Variants in SPON1 observed in about 807,000 individuals in gnomAD.
SPON1 encodes spondin 1.
Under a neutral mutation model 111.7 loss-of-function variants are expected in SPON1, and 52 were observed. The ratio of observed to expected loss-of-function variants is 0.47; its 90% CI spans 0.37 to 0.59. The LOEUF (loss-of-function observed/expected upper bound fraction) is 0.59. Ranked by LOEUF, SPON1 falls within the 20% of genes least tolerant of loss-of-function variation. The pLI is 0.00. For synonymous variants in SPON1, 410 were observed against 395.8 expected (o/e 1.04, Z -0.43); for missense variants, 957 against 1,068.5 (o/e 0.90, Z 1.46).
intron 6 of SPON1, among the ~76,000 whole-genome samples, chr11:14,146,359 A>T (rs10766149): frequency 1.3e-5 from 2 of 151,812 alleles, no homozygotes; most frequent in Admixed American, 6.6e-5. Flanking sequence ...CATGTTGGCC[A>T]GGCTGGTCTC....
At chr11:14,064,082 G>A (rs1018268692) in intron 3 of SPON1, among the ~76,000 whole-genome samples, 5 of 152,188 alleles carry the variant, frequency 3.3e-5, no homozygotes, top group Non-Finnish European at 7.3e-5. Context: ...GAAAGTCAGT[G>A]TATTGAAAAT....
At chr11:13,974,849 T>C (rs1254329006) in intron 1 of SPON1, among the ~76,000 whole-genome samples, 1 of 152,204 alleles carries the variant, frequency 6.6e-6, no homozygotes, top group Non-Finnish European at 1.5e-5. Context: ...ATCTTCCCCC[T>C]GCTTATCTTC....
intron 6 of SPON1, among the ~76,000 whole-genome samples, chr11:14,214,377 C>A (rs1047445213): frequency 6.6e-6 from 1 of 152,114 alleles, no homozygotes; most frequent in East Asian, 1.9e-4. Flanking sequence ...CATGCCCTTG[C>A]ATAGATAGGT....
chr11:14,189,951 G>T (rs1200305272), intron 6 of SPON1, among the ~76,000 whole-genome samples: 1 of 152,324 alleles, frequency 6.6e-6, no homozygotes, highest in East Asian at 1.9e-4. Flanking sequence ...CCTGTATTTT[G>T]TAAGCGGGCA....
intron 5 of SPON1, among the ~76,000 whole-genome samples, chr11:14,083,862 C>T (rs1848983378): frequency 2.0e-5 from 3 of 152,190 alleles, no homozygotes; most frequent in South Asian, 4.2e-4. Context: ...AAAATGTAGG[C>T]CAAATTCCCA....
intron 15 of SPON1, among the ~76,000 whole-genome samples, chr11:14,263,761 G>A (rs11023166): frequency 0.14 from 21,809 of 151,966 alleles, 1,744 homozygotes; most frequent in African/African-American, 0.18. Flanking sequence ...GGGCACGGTG[G>A]CTCATGCCTG....
chr11:13,977,812 AT>A (rs1848114099), intron 1 of SPON1, among the ~76,000 whole-genome samples: 1 of 152,020 alleles, frequency 6.6e-6, no homozygotes, highest in Non-Finnish European at 1.5e-5. Context: ...TGCTTTTCAC[AT>A]TTAGCTGTAC....
intron 6 of SPON1, among the ~76,000 whole-genome samples, chr11:14,201,679 T>C (rs1434095717): frequency 1.3e-5 from 2 of 152,190 alleles, no homozygotes; most frequent in African/African-American, 4.8e-5. Context: ...GTTATAGGTA[T>C]GAGCCACCTC....
At chr11:14,018,718 T>C (rs1009112239) in intron 2 of SPON1, among the ~76,000 whole-genome samples, 2 of 152,080 alleles carry the variant, frequency 1.3e-5, no homozygotes, top group Non-Finnish European at 2.9e-5. Flanking sequence ...GGCTACATTG[T>C]AGAAGAATTA....
intron 2 of SPON1, among the ~76,000 whole-genome samples, chr11:13,987,904 G>T (rs1848197831): frequency 6.6e-6 from 1 of 152,126 alleles, no homozygotes; most frequent in Non-Finnish European, 1.5e-5. Flanking sequence ...CTGTTCCATT[G>T]GTCTATATAT....
rs116993571 is a variant in SPON1 at position 14,259,421 on chromosome 11, C to T, written c.1634C>T (p.Thr545Met). Residue 545 changes from threonine (T) to methionine (M), a missense_variant, in exon 12 of 16, where the codon ACG (threonine) becomes ATG (methionine). Coordinates refer to ENST00000576479, the MANE Select transcript of SPON1 (RefSeq NM_006108.4). This position sits in a 1 kb window ranked among gnomAD's most constrained non-coding sequence, Gnocchi z 5.0. ...GTGTGCACGCTGCCCACTGAGGAAA[C>T]GGAGAAGTGCACGGTCAACGAGGAG... ...GSVCTLPTEE[T>M]EKCTVNEECS... is the part of the protein sequence containing the mutation. 611 of 1,610,608 alleles carry T rather than the reference C, an allele frequency of 3.8e-4. 7 individuals are homozygous for T. In the East Asian group the frequency reaches 0.012, roughly 32 times the overall value.
intron 6 of SPON1, among the ~76,000 whole-genome samples, chr11:14,181,769 C>T (rs1434699001): frequency 1.3e-5 from 2 of 152,150 alleles, no homozygotes; most frequent in African/African-American, 4.8e-5. Context: ...TAGCTCTCTT[C>T]CCCTCTCTTG....
Position 14,260,740 on chromosome 11 carries a change from C to A in SPON1, c.1984C>A (p.Leu662Ile). The A allele has an allele frequency of 6.2e-7, 1 of 1,613,546 alleles. No homozygotes were observed. Among genetic ancestry groups the A allele is most frequent in the South Asian group, 1.1e-5 (1 of 91,006 alleles). The part of the protein sequence containing the change: ...EDLEQVEKCM[L>I]PECPIDCELT... ...TCTGGAGCAGGTGGAGAAGTGCATG[C>A]TCCCTGAATGCCGTAAGTCCTGGAG... The change falls in exon 14 of 16, where the codon CTC becomes ATC. Residue 662 changes from leucine (L) to isoleucine (I), a missense_variant. This residue lies in a region of SPON1 where 549 missense variants were observed against 606.2 expected (regional missense o/e 0.91). Transcript: ENST00000576479.
intron 6 of SPON1, among the ~76,000 whole-genome samples, chr11:14,173,443 C>T (rs751394143): frequency 6.6e-6 from 1 of 151,998 alleles, no homozygotes; most frequent in Non-Finnish European, 1.5e-5. Context: ...TTCGAACTTC[C>T]TCCTTTAGCT....
chr11:14,235,175 T>C (rs1482784651), intron 6 of SPON1, among the ~76,000 whole-genome samples: 2 of 152,206 alleles, frequency 1.3e-5, no homozygotes, highest in African/African-American at 4.8e-5. Flanking sequence ...CACACTGCGC[T>C]GGCTCCATCC....
intron 5 of SPON1, among the ~76,000 whole-genome samples, chr11:14,127,861 G>A (rs186903173): frequency 6.6e-6 from 1 of 152,194 alleles, no homozygotes; most frequent in Non-Finnish European, 1.5e-5. Flanking sequence ...GGCAGAAGGT[G>A]AAAGACAAGC....
At chr11:14,010,997 T>C (rs932235324) in intron 2 of SPON1, among the ~76,000 whole-genome samples, 6 of 152,224 alleles carry the variant, frequency 3.9e-5, no homozygotes, top group African/African-American at 1.4e-4. Context: ...ATTCCCCGCT[T>C]TTTTTCTTTA....
At chr11:14,018,827 T>A (rs1254215387) in intron 2 of SPON1, among the ~76,000 whole-genome samples, 18 of 152,102 alleles carry the variant, frequency 1.2e-4, no homozygotes, top group Admixed American at 1.2e-3. Flanking sequence ...GCAAGTTCAG[T>A]GGGCTGGAGG....
chr11:14,225,991 A>G (rs1439854359), intron 6 of SPON1, among the ~76,000 whole-genome samples: 4 of 152,224 alleles, frequency 2.6e-5, no homozygotes, highest in Non-Finnish European at 5.9e-5. Flanking sequence ...TTTGATTACA[A>G]TCTTCAATTT....
Sources: allele counts gnomAD v4.1 joint callset (sites outside exome capture counted in the v4.1 genomes callset), GRCh38; gene constraint gnomAD v4.1.1; regional missense constraint gnomAD v4.1.1; non-coding constraint Gnocchi (gnomAD v3.1); transcripts MANE v1.5; gene names NCBI Gene and HGNC (gene_info 2026-07-23, HGNC 2026-07-21).